Variants in SGCZ observed in about 807,000 individuals in gnomAD.
SGCZ encodes sarcoglycan zeta.
In SGCZ, 40 loss-of-function variants were observed where a neutral mutation model predicts 41.3. The ratio of observed to expected loss-of-function variants is 0.97; its 90% CI spans 0.75 to 1.26. The LOEUF is 1.26. SGCZ is among the 50% of genes most tolerant of loss of function. The pLI is 0.00. For synonymous variants in SGCZ, 206 were observed against 137.5 expected (o/e 1.50, Z -3.49); for missense variants, 552 against 369.8 (o/e 1.49, Z -4.04).
At chr8:15,060,355 T>A (rs532317493) in intron 1 of SGCZ, among the ~76,000 whole-genome samples, 1 of 152,078 alleles carries the variant, frequency 6.6e-6, no homozygotes, top group East Asian at 1.9e-4. Context: ...AAGGATGAGT[T>A]CATGTCCTTT....
At chr8:14,719,697 G>A (rs1201394854) in intron 1 of SGCZ, among the ~76,000 whole-genome samples, 2 of 151,694 alleles carry the variant, frequency 1.3e-5, no homozygotes, top group East Asian at 1.9e-4. Flanking sequence ...TTTTTGATGG[G>A]GTTGTTTGTT....
At chr8:14,632,643 T>G (rs1015675500) in intron 1 of SGCZ, among the ~76,000 whole-genome samples, 1 of 152,088 alleles carries the variant, frequency 6.6e-6, no homozygotes, top group African/African-American at 2.4e-5. Flanking sequence ...GATTAACACT[T>G]TAAATATAAC....
At chr8:14,177,958 C>CCTTTT in intron 4 of SGCZ, among the ~76,000 whole-genome samples, 1 of 95,050 alleles carries the variant, frequency 1.1e-5, no homozygotes, top group African/African-American at 3.7e-5. Context: ...CTTTTTTTTT[C>CCTTTT]TTTTTTTTTT....
chr8:15,172,611 G>C (rs1194065088), intron 1 of SGCZ, among the ~76,000 whole-genome samples: 1 of 152,044 alleles, frequency 6.6e-6, no homozygotes, highest in Non-Finnish European at 1.5e-5. Context: ...AACTTCATTT[G>C]TATTAACGAA....
chr8:15,114,533 T>G (rs1021691959), intron 1 of SGCZ, among the ~76,000 whole-genome samples: 1 of 152,198 alleles, frequency 6.6e-6, no homozygotes, highest in African/African-American at 2.4e-5. Flanking sequence ...GAATCACTAT[T>G]TGATTAACAA....
At chr8:14,608,259 G>GCTT (rs1415328838) in intron 1 of SGCZ, among the ~76,000 whole-genome samples, 5 of 89,228 alleles carry the variant, frequency 5.6e-5, no homozygotes, top group Non-Finnish European at 1.2e-4. Context: ...TTTATTTGAG[G>GCTT]CTTTTTTTTT....
rs575752834 is a variant in SGCZ, at chr8:14,357,932, G to A, written c.235-33728C>T. ...GCTGAATTTTCCCCAGTGATTCCAT[G>A]ACAAACTTTCTTGAGCACAGAAGAA... On this transcript the variant is annotated intron_variant, in intron 2 of 7. Transcript: ENST00000382080. Among the ~76,000 whole-genome samples the A allele has an allele frequency of 8.8e-4, 134 of 152,234 alleles. 1 individual carries two copies. Among genetic ancestry groups the A allele is most frequent in the African/African-American group, 3.0e-3 (124 of 41,546 alleles).
intron 1 of SGCZ, among the ~76,000 whole-genome samples, chr8:15,109,610 A>C (rs563014755): frequency 1.5e-4 from 23 of 152,208 alleles, no homozygotes; most frequent in South Asian, 4.1e-4. Flanking sequence ...TACTGAAAGC[A>C]AATCTAAGTT....
intron 1 of SGCZ, among the ~76,000 whole-genome samples, chr8:14,587,888 T>C (rs1207286400): frequency 6.6e-6 from 1 of 152,158 alleles, no homozygotes; most frequent in African/African-American, 2.4e-5. Context: ...AACTGAGTTT[T>C]TGGGCAAGCT....
intron 1 of SGCZ, among the ~76,000 whole-genome samples, chr8:14,985,105 G>T (rs554156148): frequency 6.6e-6 from 1 of 152,120 alleles, no homozygotes; most frequent in Non-Finnish European, 1.5e-5. Context: ...ACGAAAGAAT[G>T]ACATAAATAT....
intron 3 of SGCZ, among the ~76,000 whole-genome samples, chr8:14,286,557 A>G (rs1800639339): frequency 6.6e-6 from 1 of 152,120 alleles, no homozygotes; most frequent in Non-Finnish European, 1.5e-5. Context: ...ATATCTAACA[A>G]TATACCAGAT....
chr8:14,355,450 ATT>A (rs1382349606), intron 2 of SGCZ, among the ~76,000 whole-genome samples: 2 of 152,126 alleles, frequency 1.3e-5, no homozygotes, highest in African/African-American at 4.8e-5. Context: ...ATACTGGCCT[ATT>A]TATATGAGCT....
At chr8:14,363,422 T>C (rs923189148) in intron 2 of SGCZ, among the ~76,000 whole-genome samples, 9 of 152,128 alleles carry the variant, frequency 5.9e-5, no homozygotes, top group African/African-American at 1.9e-4. Context: ...TTTGAATCAG[T>C]TGCAAGCAGC....
chr8:14,988,969 A>G (rs1378876045), intron 1 of SGCZ, among the ~76,000 whole-genome samples: 1 of 152,186 alleles, frequency 6.6e-6, no homozygotes, highest in African/African-American at 2.4e-5. Context: ...TAGTGATTCC[A>G]AAAACAATTT....
intron 1 of SGCZ, among the ~76,000 whole-genome samples, chr8:14,697,093 G>C (rs1303718557): frequency 1.3e-5 from 2 of 151,908 alleles, no homozygotes; most frequent in African/African-American, 4.8e-5. Flanking sequence ...TTAAAATCCA[G>C]AAAAACACCC....
intron 1 of SGCZ, among the ~76,000 whole-genome samples, chr8:14,999,106 A>T (rs1802318476): frequency 6.6e-6 from 1 of 152,200 alleles, no homozygotes; most frequent in Non-Finnish European, 1.5e-5. Flanking sequence ...ACTGATTCTG[A>T]CTGATTATTT....
At chr8:14,323,186 G>C (rs1407404500) in intron 3 of SGCZ, among the ~76,000 whole-genome samples, 3 of 152,046 alleles carry the variant, frequency 2.0e-5, no homozygotes, top group Admixed American at 2.0e-4. Flanking sequence ...CCTTTGTTCT[G>C]TTTTCATTTT....
intron 2 of SGCZ, among the ~76,000 whole-genome samples, chr8:14,351,625 G>A (rs185210475): frequency 2.0e-5 from 3 of 151,652 alleles, no homozygotes; most frequent in African/African-American, 4.8e-5. Context: ...AGAACATGAT[G>A]TCATTTTAGT....
chr8:15,106,270 T>G (rs537251567), intron 1 of SGCZ, among the ~76,000 whole-genome samples: 34 of 152,222 alleles, frequency 2.2e-4, no homozygotes, highest in African/African-American at 7.2e-4. Flanking sequence ...CACTAATACT[T>G]GATATTTTCA....
Sources: allele counts gnomAD v4.1 joint callset (sites outside exome capture counted in the v4.1 genomes callset), GRCh38; gene constraint gnomAD v4.1.1; transcripts MANE v1.5; gene names NCBI Gene and HGNC (gene_info 2026-07-23, HGNC 2026-07-21).